The following CALU variants were observed in gnomAD, a reference collection of about 807,000 sequenced individuals.
CALU encodes the protein IEF SSP 9302.
In CALU, 13 loss-of-function variants were observed where a neutral mutation model predicts 37.5. That is an observed-to-expected ratio of 0.35 (90% CI 0.23 to 0.55). The LOEUF (loss-of-function observed/expected upper bound fraction) is 0.55. CALU is among the 20% of genes least tolerant of loss of function. The pLI is 0.89. For synonymous variants in CALU, 114 were observed against 133.8 expected (o/e 0.85, Z 1.02); for missense variants, 282 against 391.7 (o/e 0.72, Z 2.36).
At position 128,772,630 on chromosome 7, in the gene CALU, A is replaced by C; in HGVS notation, c.*3463A>C. 2 of 1,614,146 alleles carry C rather than the reference A, an allele frequency of 1.2e-6. No homozygotes were observed. Among genetic ancestry groups the C allele is most frequent in the African/African-American group, 1.3e-5 (1 of 75,036 alleles). On this transcript the variant is annotated 3_prime_UTR_variant, in exon 7 of 7. Coordinates refer to ENST00000249364, the MANE Select transcript of CALU (RefSeq NM_001219.5). ...CGGATTCATCTGTCATGGCCTTCCC[A>C]CACACCATCTTCATGATGCAAGCTT...
At chr7:128,750,234 AAAAAAAG>A (rs1168606607) in intron 2 of CALU, among the ~76,000 whole-genome samples, 2,131 of 149,110 alleles carry the variant, frequency 0.014, 26 homozygotes, top group Non-Finnish European at 0.022. Context: ...AAAAAAAAAA[AAAAAAAG>A]AAAATAGAAA....
intron 2 of CALU, among the ~76,000 whole-genome samples, chr7:128,750,725 C>T (rs1357001267): frequency 6.6e-6 from 1 of 152,090 alleles, no homozygotes; most frequent in African/African-American, 2.4e-5. Context: ...GTAATGTATA[C>T]CAGCTGGGAA....
chr7:128,766,497 C>T (rs188261747), intron 5 of CALU, among the ~76,000 whole-genome samples: 8 of 139,726 alleles, frequency 5.7e-5, no homozygotes, highest in South Asian at 4.5e-4. Flanking sequence ...GATATGATCT[C>T]GGCTCACTGC....
In CALU at chr7:128,772,513, T is replaced by G. The variant is rs748430460; in HGVS notation, c.*3346T>G. The G allele has an allele frequency of 2.5e-6, 4 of 1,613,992 alleles. No homozygotes were observed. The highest frequency in any genetic ancestry group is 3.4e-6 in the Non-Finnish European group (4 of 1,179,848). On this transcript the variant is annotated 3_prime_UTR_variant, in exon 7 of 7. Coordinates refer to ENST00000249364, the MANE Select transcript of CALU (RefSeq NM_001219.5). ...CTTAAAAGTAAAATTTAATTCTAGC[T>G]GTTGCAAACAGGCCAATATTGGGTC...
chr7:128,754,226 T>A, intron 2 of CALU, 36 bp from the exon 3 acceptor site: 1 of 1,536,628 alleles, frequency 6.5e-7, no homozygotes, highest in Non-Finnish European at 8.9e-7. Flanking sequence ...CTGTGTCTTT[T>A]TAACCTTTTG....
At chr7:128,751,775 A>G (rs548173769) in intron 2 of CALU, among the ~76,000 whole-genome samples, 1 of 152,224 alleles carries the variant, frequency 6.6e-6, no homozygotes, top group Non-Finnish European at 1.5e-5. Context: ...TGAAAATTTC[A>G]GGAATATTAG....
In CALU at chr7:128,767,349, T is replaced by C. The variant is rs1801374893; in HGVS notation, c.644-107T>C. 6 of 842,064 alleles carry C rather than the reference T, an allele frequency of 7.1e-6. No homozygotes were observed. The South Asian group carries it at 8.4e-5, about 12-fold the overall frequency. The allele number at this position is 842,064 out of a possible 1,614,324, so 52.2% of individuals were successfully genotyped here. A position where few individuals can be genotyped will look rare whatever the true frequency, so the allele number is the denominator to read the frequency against. ...GCCTAAAATACCCTTGTAGCTGCTGTTGGGTTCCAAACAAATGGATGAGGA... is the reference window on the plus strand; with the variant it reads ...GCCTAAAATACCCTTGTAGCTGCTGCTGGGTTCCAAACAAATGGATGAGGA... On this transcript the variant is annotated intron_variant, in intron 5 of 6. Coordinates refer to ENST00000249364, the MANE Select transcript of CALU (RefSeq NM_001219.5).
rs1045542242 is a variant in CALU at position 128,771,943 on chromosome 7, A to G, written c.*2776A>G. On this transcript the variant is annotated 3_prime_UTR_variant, in exon 7 of 7. Transcript: ENST00000249364. ...GGTTTAGCCAAATGCAACGGGGAGG[A>G]AGCACCTGGAATAATTTGTGCTTGC... 36 of 153,860 alleles carry G rather than the reference A, an allele frequency of 2.3e-4. No individual in the cohort carries two copies. Among genetic ancestry groups the G allele is most frequent in the African/African-American group, 8.2e-4 (34 of 41,442 alleles). The allele number at this position is 153,860 out of a possible 1,614,324, so 9.5% of individuals were successfully genotyped here.
At chr7:128,740,459 A>G (rs1800190683) in intron 1 of CALU, among the ~76,000 whole-genome samples, 1 of 152,236 alleles carries the variant, frequency 6.6e-6, no homozygotes, top group African/African-American at 2.4e-5. Context: ...AGTCTGCCAT[A>G]GAATGGAACT....
intron 3 of CALU, among the ~76,000 whole-genome samples, chr7:128,754,930 C>T (rs1454274598): frequency 6.6e-6 from 1 of 152,040 alleles, no homozygotes; most frequent in African/African-American, 2.4e-5. Flanking sequence ...GTATCTTCTA[C>T]ATTTTTAGCA....
intron 3 of CALU, among the ~76,000 whole-genome samples, chr7:128,756,183 A>G (rs1175314284): frequency 2.0e-5 from 3 of 152,240 alleles, no homozygotes; most frequent in Non-Finnish European, 4.4e-5. Context: ...GGAATTAATG[A>G]TAAATACAAA....
chr7:128,767,536 G>T lies in CALU; in HGVS notation c.724G>T (p.Asp242Tyr). 1 of 1,614,000 alleles carries T rather than the reference G, an allele frequency of 6.2e-7. No homozygotes were observed. The highest frequency in any genetic ancestry group is 2.2e-5 in the East Asian group (1 of 44,890). ...TEREQFVEFR[D>Y]KNRDGKMDKE... Reference sequence around the variant, plus strand: ...GCGAGAGCAGTTTGTTGAGTTTCGGGATAAGAACCGTGATGGGAAGATGGA... The same window carrying T: ...GCGAGAGCAGTTTGTTGAGTTTCGGTATAAGAACCGTGATGGGAAGATGGA... Residue 242 changes from aspartate to tyrosine, a missense_variant, in exon 6 of 7, where the codon GAT becomes TAT. Asp to Tyr is a radical substitution (Grantham distance 160). Coordinates refer to ENST00000249364, the MANE Select transcript of CALU (RefSeq NM_001219.5).
intron 5 of CALU, among the ~76,000 whole-genome samples, chr7:128,766,374 A>ATTT (rs769724366): frequency 6.9e-6 from 1 of 144,896 alleles, no homozygotes; most frequent in East Asian, 2.1e-4. Context: ...GAATTTATTC[A>ATTT]TTTTTTTTCA....
chr7:128,760,613 A>G (rs1333988483), intron 5 of CALU, among the ~76,000 whole-genome samples: 3 of 152,212 alleles, frequency 2.0e-5, no homozygotes, highest in Non-Finnish European at 4.4e-5. Context: ...AACTGATGGT[A>G]AAGAGTTGCA....
At chr7:128,767,699 T>A in intron 6 of CALU, 44 bp downstream of exon 6, 1 of 1,483,710 alleles carries the variant, frequency 6.7e-7, no homozygotes, top group Non-Finnish European at 9.4e-7. Flanking sequence ...GATTGAAGTA[T>A]GCTTCTAGGG....
chr7:128,768,932 G>A lies in CALU; in HGVS notation c.844-131G>A, dbSNP rs952521695. On this transcript the variant is annotated intron_variant, in intron 6 of 6. Transcript: ENST00000249364. Reference sequence around the variant, plus strand: ...TGTATGTAGGGGGAATGAGGGCTGAGTAGTTCACACTTAATTTAGTAGAAA... The same window carrying A: ...TGTATGTAGGGGGAATGAGGGCTGAATAGTTCACACTTAATTTAGTAGAAA... The A allele has an allele frequency of 1.4e-5, 8 of 572,406 alleles. No homozygotes were observed. In the South Asian group the frequency reaches 1.6e-4, roughly 11 times the overall value. The allele number at this position is 572,406 out of a possible 1,614,324, so 35.5% of individuals were successfully genotyped here.
chr7:128,764,503 T>G (rs1801249773), intron 5 of CALU, among the ~76,000 whole-genome samples: 1 of 152,216 alleles, frequency 6.6e-6, no homozygotes, highest in Non-Finnish European at 1.5e-5. Flanking sequence ...CTATAAAATT[T>G]AAATACAAGA....
intron 5 of CALU, among the ~76,000 whole-genome samples, chr7:128,760,461 T>A (rs1290045279): frequency 2.0e-5 from 3 of 152,030 alleles, no homozygotes; most frequent in Non-Finnish European, 4.4e-5. Context: ...TCTAAAACTC[T>A]ATAATTTCCA....
intron 2 of CALU, among the ~76,000 whole-genome samples, chr7:128,753,677 CT>C (rs1458714716): frequency 6.6e-6 from 1 of 152,126 alleles, no homozygotes; most frequent in African/African-American, 2.4e-5. Context: ...GTCTTTTTAT[CT>C]GTTTTTTAAA....
Sources: allele counts gnomAD v4.1 joint callset (sites outside exome capture counted in the v4.1 genomes callset), GRCh38; gene constraint gnomAD v4.1.1; transcripts MANE v1.5; gene names NCBI Gene and HGNC (gene_info 2026-07-23, HGNC 2026-07-21).